Variants in CALN1 observed in about 807,000 individuals in gnomAD.
CALN1 encodes calcium-binding protein 8.
In CALN1, 17 loss-of-function variants were observed where a neutral mutation model predicts 30.6. The ratio of observed to expected loss-of-function variants is 0.56; its 90% CI spans 0.38 to 0.83. The LOEUF (loss-of-function observed/expected upper bound fraction) is 0.83. Ranked by LOEUF, CALN1 falls within the 40% of genes least tolerant of loss-of-function variation. CALN1 has a pLI of 0.00. For synonymous variants in CALN1, 156 were observed against 131.4 expected (o/e 1.19, Z -1.28); for missense variants, 291 against 354.9 (o/e 0.82, Z 1.45).
chr7:72,116,781 C>A (rs1318251020), intron 3 of CALN1, among the ~76,000 whole-genome samples: 8 of 152,106 alleles, frequency 5.3e-5, no homozygotes, highest in Non-Finnish European at 1.0e-4. Context: ...ACCAAAGGAG[C>A]CAAACTCTGT....
chr7:71,999,097 T>C (rs192943812), intron 5 of CALN1, among the ~76,000 whole-genome samples: 4 of 152,290 alleles, frequency 2.6e-5, no homozygotes, highest in Admixed American at 2.6e-4. Context: ...TACAAGAAAC[T>C]GACTTCAAAT....
chr7:71,976,664 C>G (rs1336939913), intron 5 of CALN1, among the ~76,000 whole-genome samples: 1 of 152,090 alleles, frequency 6.6e-6, no homozygotes, highest in Non-Finnish European at 1.5e-5. Flanking sequence ...AACTGTGCCC[C>G]CAAAGAGTTA....
intron 5 of CALN1, among the ~76,000 whole-genome samples, chr7:71,948,760 A>T (rs1332758556): frequency 6.7e-6 from 1 of 150,106 alleles, no homozygotes; most frequent in African/African-American, 2.4e-5. Flanking sequence ...ATTTGTTTTC[A>T]GCCAGGTGCA....
intron 5 of CALN1, among the ~76,000 whole-genome samples, chr7:71,909,154 C>A (rs1794296393): frequency 6.6e-6 from 1 of 152,064 alleles, no homozygotes; most frequent in Non-Finnish European, 1.5e-5. Flanking sequence ...GTAGCTGGGA[C>A]AATAGGCAGG....
intron 3 of CALN1, among the ~76,000 whole-genome samples, chr7:72,198,614 C>G (rs2129547290): frequency 6.6e-6 from 1 of 152,218 alleles, no homozygotes; most frequent in East Asian, 1.9e-4. Context: ...TAACCCACTC[C>G]CAGCAATTCT....
the CALN1 span, among the ~76,000 whole-genome samples, chr7:72,486,151 G>C: frequency 6.6e-6 from 1 of 152,056 alleles, no homozygotes; most frequent in African/African-American, 2.4e-5. Context: ...GCTGGCAACG[G>C]TAAAACAATA....
intron 3 of CALN1, among the ~76,000 whole-genome samples, chr7:72,125,953 C>A (rs1359572982): frequency 2.6e-5 from 4 of 152,066 alleles, no homozygotes; most frequent in Non-Finnish European, 5.9e-5. Context: ...GCGCGTGCCA[C>A]CACGCCCAGC....
intron 4 of CALN1, among the ~76,000 whole-genome samples, chr7:72,041,369 C>A (rs577246389): frequency 6.6e-6 from 1 of 151,756 alleles, no homozygotes; most frequent in South Asian, 2.1e-4. Flanking sequence ...TGTCCCTGTC[C>A]CCGCCCAAAT....
intron 5 of CALN1, among the ~76,000 whole-genome samples, chr7:71,894,719 A>C (rs1793440977): frequency 6.6e-6 from 1 of 152,060 alleles, no homozygotes; most frequent in Admixed American, 6.5e-5. Flanking sequence ...TAAAAGAAAA[A>C]CCCGTAGTGT....
At chr7:72,428,071 A>C (rs894343005) in intron 1 of CALN1, among the ~76,000 whole-genome samples, 1 of 152,080 alleles carries the variant, frequency 6.6e-6, no homozygotes, top group Non-Finnish European at 1.5e-5. Context: ...TTCTGTGTTC[A>C]TTTGAAGTGA....
chr7:71,870,608 A>T (rs906571350), intron 5 of CALN1, among the ~76,000 whole-genome samples: 1 of 152,116 alleles, frequency 6.6e-6, no homozygotes, highest in Non-Finnish European at 1.5e-5. Flanking sequence ...AATTTTCAAT[A>T]TTTTCCAAAA....
chr7:72,407,612 C>T (rs1484431952), intron 1 of CALN1, among the ~76,000 whole-genome samples: 2 of 152,182 alleles, frequency 1.3e-5, no homozygotes, highest in South Asian at 2.1e-4. Flanking sequence ...TTTCCTGAGG[C>T]CTCCCCAGCC....
At chr7:72,292,013 AAAG>A (rs934953345) in intron 2 of CALN1, among the ~76,000 whole-genome samples, 2 of 151,770 alleles carry the variant, frequency 1.3e-5, no homozygotes, top group African/African-American at 4.9e-5. Flanking sequence ...AAAAAAAAAA[AAAG>A]AATTTCAACA....
the CALN1 span, among the ~76,000 whole-genome samples, chr7:72,456,182 C>CAACAA: frequency 8.7e-6 from 1 of 115,516 alleles, no homozygotes; most frequent in Non-Finnish European, 1.8e-5. Flanking sequence ...CACTCAGTCT[C>CAACAA]AAAAAAAAAA....
chr7:72,099,268 C>G, intron 4 of CALN1, among the ~76,000 whole-genome samples: 1 of 115,294 alleles, frequency 8.7e-6, no homozygotes, highest in Admixed American at 1.1e-4. Context: ...TTGCCCCAAA[C>G]ACTCCTTTTT....
intron 3 of CALN1, among the ~76,000 whole-genome samples, chr7:72,110,914 G>T (rs1174108527): frequency 1.3e-5 from 2 of 152,082 alleles, no homozygotes; most frequent in Non-Finnish European, 2.9e-5. Flanking sequence ...GATCCCTCTG[G>T]CTCTAGGAGG....
chr7:71,852,552 A>G (rs1790711128), intron 5 of CALN1, among the ~76,000 whole-genome samples: 1 of 151,820 alleles, frequency 6.6e-6, no homozygotes, highest in Non-Finnish European at 1.5e-5. Context: ...GTGAACCATG[A>G]TCGCACCACT....
intron 2 of CALN1, among the ~76,000 whole-genome samples, chr7:72,310,494 A>C (rs954773728): frequency 1.3e-5 from 2 of 151,690 alleles, no homozygotes; most frequent in African/African-American, 4.9e-5. Flanking sequence ...TGTGGTTATA[A>C]TATTGACATC....
chr7:72,116,992 G>A (rs1808029724), intron 3 of CALN1, among the ~76,000 whole-genome samples: 1 of 152,068 alleles, frequency 6.6e-6, no homozygotes, highest in South Asian at 2.1e-4. Flanking sequence ...TTCAAGTGGA[G>A]GTGCTTACAG....
Sources: gnomAD v4.1 joint callset for allele counts (sites outside exome capture counted in the v4.1 genomes callset) on GRCh38, gnomAD v4.1.1 for gene constraint, MANE v1.5 for transcripts, NCBI Gene and HGNC (gene_info 2026-07-23, HGNC 2026-07-21) for gene names.